The following BLOC1S5 variants were observed in gnomAD, a reference collection of about 807,000 sequenced individuals.
BLOC1S5 encodes biogenesis of lysosomal organelles complex 1 subunit 5.
A neutral mutation model predicts 24.3 loss-of-function variants in BLOC1S5; 27 were observed. That is an observed-to-expected ratio of 1.11 (90% CI 0.82 to 1.53). BLOC1S5 has a LOEUF of 1.53. Ranked by LOEUF, BLOC1S5 falls within the 40% of genes most tolerant of loss-of-function variation. BLOC1S5 has a pLI of 0.00. For missense variants in BLOC1S5, 239 were observed against 229.4 expected (o/e 1.04, Z -0.27); for synonymous variants, 84 against 74.5 (o/e 1.13, Z -0.66).
chr6:8,021,401 C>A (rs1167770448), intron 4 of BLOC1S5, among the ~76,000 whole-genome samples: 1 of 152,158 alleles, frequency 6.6e-6, no homozygotes, highest in Non-Finnish European at 1.5e-5. Context: ...GAGTTCGAGA[C>A]CAGCCTGGCC....
intron 2 of BLOC1S5, among the ~76,000 whole-genome samples, chr6:8,056,955 G>A (rs923827454): frequency 1.5e-4 from 23 of 152,270 alleles, no homozygotes; most frequent in African/African-American, 4.1e-4. Flanking sequence ...GGTGGCTCAC[G>A]CCTGTAATCC....
intron 4 of BLOC1S5, 57 bp from the exon 5 acceptor site, chr6:8,015,885 G>C: frequency 6.8e-7 from 1 of 1,460,356 alleles, no homozygotes; most frequent in Non-Finnish European, 9.3e-7. Context: ...ATTTCATAAC[G>C]TTATCTCTTG....
intron 4 of BLOC1S5, among the ~76,000 whole-genome samples, chr6:8,022,572 TTTTTTTC>T (rs1762951507): frequency 1.3e-5 from 1 of 77,546 alleles, no homozygotes; most frequent in Non-Finnish European, 2.5e-5. Context: ...AACTCTATTT[TTTTTTTC>T]TTTTTTTTTT....
At chr6:8,025,601 GA>G (rs1378628659) in intron 4 of BLOC1S5, among the ~76,000 whole-genome samples, 1 of 152,168 alleles carries the variant, frequency 6.6e-6, no homozygotes, top group African/African-American at 2.4e-5. Flanking sequence ...GAAACTCTGA[GA>G]AGGTTCATTC....
intron 2 of BLOC1S5, among the ~76,000 whole-genome samples, chr6:8,050,187 C>G (rs1300174756): frequency 6.6e-6 from 1 of 152,176 alleles, no homozygotes; most frequent in East Asian, 1.9e-4. Flanking sequence ...GGGTAATTCT[C>G]ATAAAATTTC....
chr6:8,015,449 G>A lies in BLOC1S5; in HGVS notation c.*200C>T. 1.9e-6 allele frequency: 1 copy of A among 518,228 alleles called. No homozygotes were observed. Among genetic ancestry groups the A allele is most frequent in the Non-Finnish European group, 3.4e-6 (1 of 296,960 alleles). The allele number at this position is 518,228 out of a possible 1,614,324, so 32.1% of individuals were successfully genotyped here. On this transcript the variant is annotated 3_prime_UTR_variant, in exon 5 of 5. Coordinates refer to ENST00000397457, the MANE Select transcript of BLOC1S5 (RefSeq NM_201280.3). ...TCTTCATTCAAATAATCATATATAG[G>A]CACTTAAAGCTGGAAAAATGTGGCA... is the stretch of plus-strand genomic sequence containing the variant.
chr6:8,059,096 C>G (rs1435812769), intron 2 of BLOC1S5, among the ~76,000 whole-genome samples: 1 of 152,212 alleles, frequency 6.6e-6, no homozygotes, highest in African/African-American at 2.4e-5. Context: ...GCTAGAAAGA[C>G]AGTGGCACAG....
chr6:8,051,483 G>A (rs1764103588), intron 2 of BLOC1S5, among the ~76,000 whole-genome samples: 1 of 152,196 alleles, frequency 6.6e-6, no homozygotes, highest in Admixed American at 6.5e-5. Context: ...AGCAACAAAT[G>A]CTAACGTAGA....
chr6:8,050,617 T>TTA (rs1554140072), intron 2 of BLOC1S5, among the ~76,000 whole-genome samples: 60 of 150,454 alleles, frequency 4.0e-4, no homozygotes, highest in Admixed American at 4.0e-4. Context: ...TTTTTTTTTT[T>TTA]ATTGAGACAG....
intron 3 of BLOC1S5, among the ~76,000 whole-genome samples, chr6:8,038,862 T>C (rs2113556711): frequency 1.3e-5 from 2 of 152,372 alleles, no homozygotes; most frequent in Non-Finnish European, 2.9e-5. Context: ...CGTATACTAT[T>C]GGTCAGAATA....
intron 4 of BLOC1S5, among the ~76,000 whole-genome samples, chr6:8,022,251 GCA>G (rs1172443380): frequency 1.3e-5 from 2 of 149,300 alleles, no homozygotes; most frequent in South Asian, 2.2e-4. Flanking sequence ...CATCTAGTAG[GCA>G]GAGGTCAAGG....
chr6:8,055,951 G>A (rs1227169355), intron 2 of BLOC1S5, among the ~76,000 whole-genome samples: 1 of 152,170 alleles, frequency 6.6e-6, no homozygotes. Context: ...CTAACGAGAG[G>A]TGATTAGTTC....
intron 4 of BLOC1S5, among the ~76,000 whole-genome samples, chr6:8,018,749 T>C (rs1311627171): frequency 6.6e-6 from 1 of 152,164 alleles, no homozygotes; most frequent in East Asian, 1.9e-4. Flanking sequence ...TAATAAAAGG[T>C]AAATATTATA....
chr6:8,019,928 C>T (rs995940321), intron 4 of BLOC1S5, among the ~76,000 whole-genome samples: 2 of 152,168 alleles, frequency 1.3e-5, no homozygotes, highest in African/African-American at 2.4e-5. Flanking sequence ...GAATAACAGG[C>T]ATCAGCCTTA....
chr6:8,043,449 C>T (rs1254880251), intron 2 of BLOC1S5, among the ~76,000 whole-genome samples: 1 of 152,086 alleles, frequency 6.6e-6, no homozygotes, highest in Non-Finnish European at 1.5e-5. Context: ...CCCATAACCC[C>T]AGTCTAGTCA....
intron 2 of BLOC1S5, among the ~76,000 whole-genome samples, chr6:8,043,210 T>G (rs1209258372): frequency 1.3e-5 from 2 of 152,060 alleles, no homozygotes; most frequent in Non-Finnish European, 2.9e-5. Context: ...AAAATGAGGG[T>G]GGGTTATACT....
At chr6:8,019,937 T>G (rs576184294) in intron 4 of BLOC1S5, among the ~76,000 whole-genome samples, 6 of 152,276 alleles carry the variant, frequency 3.9e-5, no homozygotes, top group African/African-American at 1.4e-4. Context: ...GCATCAGCCT[T>G]ATAGCAAAAG....
At chr6:8,047,435 C>A (rs1454891108) in intron 2 of BLOC1S5, among the ~76,000 whole-genome samples, 2 of 152,002 alleles carry the variant, frequency 1.3e-5, no homozygotes, top group Admixed American at 6.6e-5. Context: ...ATTTGTTGAC[C>A]ACGCCTGGCC....
At chr6:8,015,883 A>C in intron 4 of BLOC1S5, 55 bp from the exon 5 acceptor site, 7 of 1,485,806 alleles carry the variant, frequency 4.7e-6, no homozygotes, top group Non-Finnish European at 6.4e-6. Context: ...TTATTTCATA[A>C]CGTTATCTCT....
Sources: gnomAD v4.1 joint callset for allele counts (sites outside exome capture counted in the v4.1 genomes callset) on GRCh38, gnomAD v4.1.1 for gene constraint, MANE v1.5 for transcripts, NCBI Gene and HGNC (gene_info 2026-07-23, HGNC 2026-07-21) for gene names.